The following SLC7A1 variants were observed in gnomAD, a reference collection of about 807,000 sequenced individuals.
SLC7A1 encodes solute carrier family 7 member 1.
In SLC7A1, 10 loss-of-function variants were observed where a neutral mutation model predicts 53.9. The observed-to-expected ratio is 0.19, with a 90% CI of 0.11 to 0.31. The LOEUF (loss-of-function observed/expected upper bound fraction) is 0.31. Ranked by LOEUF, SLC7A1 falls within the 10% of genes least tolerant of loss-of-function variation. The probability of loss-of-function intolerance (pLI) is 1.00; values close to 1 mark genes in which losing one functional copy is unlikely to be tolerated. For synonymous variants in SLC7A1, 342 were observed against 338.7 expected (o/e 1.01, Z -0.11); for missense variants, 525 against 827.2 (o/e 0.63, Z 4.48).
intron 2 of SLC7A1, among the ~76,000 whole-genome samples, chr13:29,545,450 T>C (rs1869873901): frequency 6.6e-6 from 1 of 152,126 alleles, no homozygotes; most frequent in Non-Finnish European, 1.5e-5. Flanking sequence ...AAGGTCTCTG[T>C]TTCTACGTGT....
At chr13:29,543,661 TG>T (rs1157896015) in intron 2 of SLC7A1, among the ~76,000 whole-genome samples, 12 of 67,148 alleles carry the variant, frequency 1.8e-4, no homozygotes, top group African/African-American at 6.6e-4. Flanking sequence ...GGGAGAAGGG[TG>T]GGGAGGAGGC....
chr13:29,585,232 T>C (rs150904533), intron 1 of SLC7A1, among the ~76,000 whole-genome samples: 81 of 152,308 alleles, frequency 5.3e-4, no homozygotes, highest in Admixed American at 8.5e-4. Context: ...TTCAACTTTC[T>C]TTGCCCTAAC....
intron 1 of SLC7A1, among the ~76,000 whole-genome samples, chr13:29,570,124 G>C (rs1871133015): frequency 6.6e-6 from 1 of 152,196 alleles, no homozygotes; most frequent in Admixed American, 6.5e-5. Flanking sequence ...TGTGAATCCT[G>C]GGGAAGCTCA....
intron 2 of SLC7A1, among the ~76,000 whole-genome samples, chr13:29,543,230 GGAAAAAAGGTGGCCTTCCATCAA>G: frequency 6.6e-6 from 1 of 152,316 alleles, no homozygotes; most frequent in South Asian, 2.1e-4. Context: ...CTTTCATGGG[GGAAAAAAGGTGGCCTTCCATCAA>G]GAAGTACAGA....
intron 1 of SLC7A1, among the ~76,000 whole-genome samples, chr13:29,585,786 G>T (rs763090294): frequency 6.6e-6 from 1 of 152,210 alleles, no homozygotes; most frequent in Non-Finnish European, 1.5e-5. Context: ...AGCTGTGACA[G>T]TCACCCTCCC....
At chr13:29,595,245 G>T (rs892923575) in intron 1 of SLC7A1, among the ~76,000 whole-genome samples, 171 bp downstream of exon 1, 1 of 151,998 alleles carries the variant, frequency 6.6e-6, no homozygotes, top group Non-Finnish European at 1.5e-5. Context: ...CCACTCCGGG[G>T]CCCGCCCGGC....
At chr13:29,538,537 G>A (rs911632942) in intron 2 of SLC7A1, among the ~76,000 whole-genome samples, 11 of 152,176 alleles carry the variant, frequency 7.2e-5, no homozygotes, top group African/African-American at 2.7e-4. Flanking sequence ...TTAAGTGAGA[G>A]CCTCCGAGTG....
chr13:29,593,763 CTT>C (rs67453429), intron 1 of SLC7A1, among the ~76,000 whole-genome samples: 1 of 146,870 alleles, frequency 6.8e-6, no homozygotes. Flanking sequence ...TCAAGCCTTT[CTT>C]TTTTTTTTTC....
In SLC7A1 at chr13:29,511,367, T is replaced by G. The variant is rs1355856401; in HGVS notation, c.*3113A>C. 6.6e-6 allele frequency: 1 copy of G among 152,144 alleles called. No homozygotes were observed. Among genetic ancestry groups the G allele is most frequent in the African/African-American group, 2.4e-5 (1 of 41,416 alleles). The allele number at this position is 152,144 out of a possible 1,614,324, so 9.4% of individuals were successfully genotyped here. A position where few individuals can be genotyped will look rare whatever the true frequency, so the allele number is the denominator to read the frequency against. On this transcript the variant is annotated 3_prime_UTR_variant, in exon 13 of 13. Transcript: ENST00000380752. ...TGCAAAAACCAAAAGTGGGGGGAGA[T>G]CTCAGCAATTCTGACAACAGTATAC... is the stretch of plus-strand genomic sequence containing the variant.
At chr13:29,585,663 C>T (rs1450373374) in intron 1 of SLC7A1, among the ~76,000 whole-genome samples, 1 of 152,114 alleles carries the variant, frequency 6.6e-6, no homozygotes, top group Non-Finnish European at 1.5e-5. Context: ...TTCCCAGCAC[C>T]GGGCTTCCAG....
At chr13:29,548,021 C>T (rs1869998591) in intron 2 of SLC7A1, among the ~76,000 whole-genome samples, 1 of 152,184 alleles carries the variant, frequency 6.6e-6, no homozygotes, top group Non-Finnish European at 1.5e-5. Context: ...CCCTATGAAA[C>T]TGTCAATATT....
chr13:29,592,837 T>A (rs1566280981), intron 1 of SLC7A1, among the ~76,000 whole-genome samples: 1 of 152,126 alleles, frequency 6.6e-6, no homozygotes, highest in Non-Finnish European at 1.5e-5. Flanking sequence ...GGTAGGCAGA[T>A]GTCCTGAAGA....
chr13:29,591,251 T>G (rs983343567), intron 1 of SLC7A1, among the ~76,000 whole-genome samples: 10 of 152,166 alleles, frequency 6.6e-5, no homozygotes, highest in Admixed American at 4.6e-4. Context: ...CTCATTTAAA[T>G]CCTCTCAGTC....
intron 2 of SLC7A1, among the ~76,000 whole-genome samples, chr13:29,539,982 T>A (rs1403657004): frequency 6.6e-6 from 1 of 152,204 alleles, no homozygotes; most frequent in Non-Finnish European, 1.5e-5. Flanking sequence ...CCTGTCTCCT[T>A]GGAAGTAATG....
Position 29,517,763 on chromosome 13 carries a change from T to G in SLC7A1, c.1320A>C (p.Val440=), listed in dbSNP as rs1015723721. 2.5e-6 allele frequency: 4 copies of G among 1,614,210 alleles called. No homozygotes were observed. The highest frequency in any genetic ancestry group is 1.7e-4 in the Middle Eastern group (1 of 6,040). ...LRYQPEQPNL[V]YQMASTSDEL... Reference sequence around the variant, plus strand: ...CGTCGGAAGTACTGGCCATCTGGTATACCAGGTTAGGCTGCTCTGGCTGGT... The same window carrying G: ...CGTCGGAAGTACTGGCCATCTGGTAGACCAGGTTAGGCTGCTCTGGCTGGT... The change falls in exon 10 of 13, where the codon GTA becomes GTC. Residue 440 remains valine, a synonymous_variant. Transcript: ENST00000380752.
intron 1 of SLC7A1, among the ~76,000 whole-genome samples, chr13:29,593,426 C>G (rs2139199190): frequency 6.6e-6 from 1 of 152,300 alleles, no homozygotes; most frequent in African/African-American, 2.4e-5. Flanking sequence ...GAAGATGCCT[C>G]TGGAAGAGAT....
intron 2 of SLC7A1, among the ~76,000 whole-genome samples, chr13:29,549,964 C>T (rs1870099519): frequency 6.6e-6 from 1 of 152,192 alleles, no homozygotes; most frequent in African/African-American, 2.4e-5. Context: ...TGCCCAGCCA[C>T]TTCTATTGTT....
intron 2 of SLC7A1, among the ~76,000 whole-genome samples, chr13:29,536,557 A>C (rs1018825126): frequency 1.3e-5 from 2 of 152,222 alleles, no homozygotes; most frequent in African/African-American, 4.8e-5. Flanking sequence ...CAGTCATCAG[A>C]TAATACACCA....
chr13:29,552,435 C>A (rs114503421), intron 2 of SLC7A1, among the ~76,000 whole-genome samples: 1,801 of 152,260 alleles, frequency 0.012, 30 homozygotes, highest in African/African-American at 0.04. Context: ...ATGTTGGGAA[C>A]AGGCCCCCAA....
Sources: gnomAD v4.1 joint callset for allele counts (sites outside exome capture counted in the v4.1 genomes callset) on GRCh38, gnomAD v4.1.1 for gene constraint, MANE v1.5 for transcripts, NCBI Gene and HGNC (gene_info 2026-07-23, HGNC 2026-07-21) for gene names.